The following SPIRE1 variants were observed in gnomAD, a reference collection of about 807,000 sequenced individuals.
The protein encoded by SPIRE1 is protein spire homolog 1.
In SPIRE1, 40 loss-of-function variants were observed where a neutral mutation model predicts 94.1. The observed-to-expected ratio is 0.43, with a 90% confidence interval of 0.33 to 0.55. The LOEUF (loss-of-function observed/expected upper bound fraction) is 0.55, where lower values mean the gene tolerates loss of function less well. Ranked by LOEUF, SPIRE1 falls within the 20% of genes least tolerant of loss-of-function variation. The probability of loss-of-function intolerance (pLI) is 0.06; values close to 1 mark genes in which losing one functional copy is unlikely to be tolerated. For missense variants in SPIRE1, 838 were observed against 975.2 expected (o/e 0.86, Z 1.87); for synonymous variants, 376 against 371.7 (o/e 1.01, Z -0.13).
intron 2 of SPIRE1, among the ~76,000 whole-genome samples, chr18:12,552,158 T>C (rs1012162955): frequency 6.6e-6 from 1 of 152,052 alleles, no homozygotes; most frequent in Non-Finnish European, 1.5e-5. Flanking sequence ...TGGCAAGCCT[T>C]ACCACTGCGT....
intron 2 of SPIRE1, among the ~76,000 whole-genome samples, chr18:12,601,282 G>C (rs2036827523): frequency 6.6e-6 from 1 of 151,788 alleles, no homozygotes; most frequent in Admixed American, 6.6e-5. Flanking sequence ...AAATAGTCAG[G>C]CATGGTGGGG....
At chr18:12,513,073 T>G (rs889060918) in intron 4 of SPIRE1, among the ~76,000 whole-genome samples, 1 of 152,174 alleles carries the variant, frequency 6.6e-6, no homozygotes, top group African/African-American at 2.4e-5. Context: ...CTTATCAACA[T>G]TGTAATTTTA....
At chr18:12,486,605 C>A (rs12605607) in intron 8 of SPIRE1, among the ~76,000 whole-genome samples, 13,414 of 152,154 alleles carry the variant, frequency 0.088, 1,172 homozygotes, top group African/African-American at 0.22. Flanking sequence ...GGAGTGTGAC[C>A]CCAGGCAAGT....
At chr18:12,461,422 G>GTGTGTATGCATGTATATACATACA (rs1555680886) in intron 12 of SPIRE1, among the ~76,000 whole-genome samples, 2 of 127,784 alleles carry the variant, frequency 1.6e-5, no homozygotes, top group East Asian at 5.1e-4. Flanking sequence ...GTATGTGTGT[G>GTGTGTATGCATGTATATACATACA]TGTGTGTATG....
chr18:12,468,181 T>G (rs527442329), intron 10 of SPIRE1, among the ~76,000 whole-genome samples: 1 of 152,038 alleles, frequency 6.6e-6, no homozygotes, highest in African/African-American at 2.4e-5. Flanking sequence ...ATAAGCAAAT[T>G]AAAAAGATCA....
chr18:12,513,340 T>C (rs1176913981), intron 4 of SPIRE1, among the ~76,000 whole-genome samples: 1 of 152,158 alleles, frequency 6.6e-6, no homozygotes, highest in Admixed American at 6.6e-5. Context: ...TCAACCCTAA[T>C]ATATTTACTT....
At position 12,523,481 on chromosome 18, in the gene SPIRE1, G is replaced by A. The variant is rs557781562; in HGVS notation, c.730-10950C>T. On this transcript the variant is annotated intron_variant, in intron 4 of 16. Transcript: ENST00000409402. Reference sequence around the variant, plus strand: ...AATTTTGAAAGAAGTTCTACTGTGGGTAATGTGCTATCAAACAGCACTGTA... The same window carrying A: ...AATTTTGAAAGAAGTTCTACTGTGGATAATGTGCTATCAAACAGCACTGTA... Among the ~76,000 whole-genome samples the A allele has an allele frequency of 2.6e-5, 4 of 152,294 alleles. No homozygotes were observed. In the East Asian group the frequency reaches 7.7e-4, roughly 29 times the overall value.
chr18:12,468,754 AAATCAAAACT>A (rs1214827216), intron 10 of SPIRE1, among the ~76,000 whole-genome samples: 1 of 152,126 alleles, frequency 6.6e-6, no homozygotes, highest in Non-Finnish European at 1.5e-5. Context: ...TCAAAAATGT[AAATCAAAACT>A]AAGTGTCTTT....
Position 12,657,874 on chromosome 18 carries a change from G to A in SPIRE1, c.-8C>T. The A allele has an allele frequency of 9.4e-7, 1 of 1,060,804 alleles. No individual in the cohort carries two copies. The highest frequency in any genetic ancestry group is 1.1e-6 in the Non-Finnish European group (1 of 882,164). 65.7% of individuals were successfully genotyped at this position (1,060,804 alleles called of 1,614,324 possible). A position where few individuals can be genotyped will look rare whatever the true frequency, so the allele number is the denominator to read the frequency against. The stretch of plus-strand genomic sequence containing the variant: ...GCCAGCCGCCTGAGCCATCCCGCGG[G>A]TGGGCGCTGCGCTCGGCAGTCGCGC... On this transcript the variant is annotated 5_prime_UTR_variant, in exon 1 of 17. Transcript: ENST00000409402.
intron 2 of SPIRE1, among the ~76,000 whole-genome samples, chr18:12,568,606 T>A (rs1033660476): frequency 3.3e-5 from 5 of 152,240 alleles, no homozygotes; most frequent in African/African-American, 1.2e-4. Flanking sequence ...CATGTTTATG[T>A]GGTATATTTC....
At chr18:12,632,449 A>C (rs2037808728) in intron 2 of SPIRE1, among the ~76,000 whole-genome samples, 2 of 152,180 alleles carry the variant, frequency 1.3e-5, no homozygotes, top group Admixed American at 1.3e-4. Context: ...TCATTTCACC[A>C]AACTTCTAAG....
chr18:12,605,300 T>C (rs1415286289), intron 2 of SPIRE1, among the ~76,000 whole-genome samples: 2 of 152,070 alleles, frequency 1.3e-5, no homozygotes, highest in East Asian at 3.9e-4. Context: ...GGGCGGACCA[T>C]GAGGTCAGGA....
Position 12,452,466 on chromosome 18 carries a change from T to C in SPIRE1, c.1875+19A>G. On this transcript the variant is annotated intron_variant, in intron 15 of 16. Transcript: ENST00000409402. ...TCACTAAAAGGAACACAAGTATAAATGAACCAAGCTTAGCTTACCTTTTTG... is the reference window on the plus strand; with the variant it reads ...TCACTAAAAGGAACACAAGTATAAACGAACCAAGCTTAGCTTACCTTTTTG... 1 of 1,614,006 alleles carries C rather than the reference T, an allele frequency of 6.2e-7. No homozygotes were observed. Among genetic ancestry groups the C allele is most frequent in the Non-Finnish European group, 8.5e-7 (1 of 1,180,024 alleles).
intron 12 of SPIRE1, among the ~76,000 whole-genome samples, chr18:12,458,066 G>A (rs2031606289): frequency 1.3e-5 from 2 of 150,616 alleles, no homozygotes; most frequent in South Asian, 2.1e-4. Context: ...GGATGGTCTC[G>A]ATCTCCTGAC....
chr18:12,449,870 T>TC lies in SPIRE1; in HGVS notation c.2038dup (p.Asp680GlyfsTer5). ...AAACTGGAGTTCTTCATCTGATTTG[T>TC]CCATAGACTTAGATTTTGAGGAGAA... On this transcript the variant is annotated frameshift_variant, in exon 17 of 17. Transcript: ENST00000409402. LOFTEE classifies it high-confidence loss of function. 6.2e-7 allele frequency: 1 copy of TC among 1,614,118 alleles called. No individual in the cohort carries two copies. The highest frequency in any genetic ancestry group is 8.5e-7 in the Non-Finnish European group (1 of 1,180,016).
intron 12 of SPIRE1, among the ~76,000 whole-genome samples, chr18:12,462,539 T>C (rs1268789782): frequency 6.6e-6 from 1 of 152,154 alleles, no homozygotes; most frequent in South Asian, 2.1e-4. Context: ...TCCTGAGAAA[T>C]GAGCACCCAC....
intron 10 of SPIRE1, among the ~76,000 whole-genome samples, chr18:12,466,305 C>T (rs1444082976): frequency 6.6e-6 from 1 of 151,952 alleles, no homozygotes; most frequent in Non-Finnish European, 1.5e-5. Flanking sequence ...GAGACGGAGT[C>T]TCACTCTGTT....
At chr18:12,640,001 A>G (rs1273649314) in intron 1 of SPIRE1, among the ~76,000 whole-genome samples, 1 of 152,224 alleles carries the variant, frequency 6.6e-6, no homozygotes, top group Non-Finnish European at 1.5e-5. Flanking sequence ...GTCTGTCATA[A>G]AGAATTCATA....
At chr18:12,454,569 T>G in intron 12 of SPIRE1, 86 bp from the exon 13 acceptor site, 1 of 1,269,192 alleles carries the variant, frequency 7.9e-7, no homozygotes, top group Non-Finnish European at 1.1e-6. Flanking sequence ...GACCCCTGAT[T>G]AGTAGCTTCA....
Sources: allele counts gnomAD v4.1 joint callset (sites outside exome capture counted in the v4.1 genomes callset), GRCh38; gene constraint gnomAD v4.1.1; transcripts MANE v1.5; gene names NCBI Gene and HGNC (gene_info 2026-07-23, HGNC 2026-07-21).